Variants in CREB5 observed in about 807,000 individuals in gnomAD.
The protein encoded by CREB5 is cyclic AMP-responsive element-binding protein 5.
CREB5 carries 19 observed loss-of-function variants against 57.1 expected under a neutral mutation model. That is an observed-to-expected ratio of 0.33 (90% CI 0.23 to 0.49). The LOEUF (loss-of-function observed/expected upper bound fraction) is 0.49, where lower values mean the gene tolerates loss of function less well. CREB5 is among the 20% of genes least tolerant of loss of function. CREB5 has a pLI of 0.99. For missense variants in CREB5, 579 were observed against 671.6 expected (o/e 0.86, Z 1.52); for synonymous variants, 238 against 238.3 (o/e 1.00, Z 0.01).
chr7:28,395,622 A>G (rs952099949), intron 1 of CREB5, among the ~76,000 whole-genome samples: 30 of 152,254 alleles, frequency 2.0e-4, no homozygotes, highest in Admixed American at 7.2e-4. Flanking sequence ...TACATTGTGT[A>G]CTACATGCAG....
chr7:28,617,904 A>G (rs1476655632), intron 5 of CREB5, among the ~76,000 whole-genome samples: 1 of 152,236 alleles, frequency 6.6e-6, no homozygotes, highest in Non-Finnish European at 1.5e-5. Flanking sequence ...TAGTGGTGTC[A>G]TATTGGCACA....
intron 1 of CREB5, among the ~76,000 whole-genome samples, chr7:28,436,449 C>T (rs1014890364): frequency 6.6e-6 from 1 of 152,148 alleles, no homozygotes; most frequent in African/African-American, 2.4e-5. Context: ...GGCCCTCTTA[C>T]TACTTATCTG....
intron 1 of CREB5, 102 bp from the exon 2 acceptor site, chr7:28,488,070 TAGA>T (rs2128593983): frequency 1.0e-6 from 1 of 957,966 alleles, no homozygotes; most frequent in East Asian, 2.5e-5. Context: ...GGTATTGGCA[TAGA>T]AAGGGGGCTC....
chr7:28,784,379 G>A (rs957331927), intron 7 of CREB5, among the ~76,000 whole-genome samples: 10 of 151,946 alleles, frequency 6.6e-5, no homozygotes, highest in African/African-American at 2.4e-4. Context: ...CAATCAAAAT[G>A]TGTGATAAAT....
At chr7:28,754,227 C>A (rs1805156992) in intron 7 of CREB5, among the ~76,000 whole-genome samples, 1 of 152,168 alleles carries the variant, frequency 6.6e-6, no homozygotes, top group African/African-American at 2.4e-5. Flanking sequence ...TGCACCAGCT[C>A]TTTCTTAAAG....
At chr7:28,304,734 T>C (rs1254072210) in intron 1 of CREB5, among the ~76,000 whole-genome samples, 1 of 152,210 alleles carries the variant, frequency 6.6e-6, no homozygotes, top group Admixed American at 6.5e-5. Context: ...GAATATGCTA[T>C]AGCTATTAAA....
At chr7:28,702,206 A>G (rs1027096116) in intron 5 of CREB5, among the ~76,000 whole-genome samples, 6 of 152,180 alleles carry the variant, frequency 3.9e-5, no homozygotes, top group Admixed American at 3.9e-4. Context: ...TTTGGCATAT[A>G]TATTTGATGC....
At chr7:28,750,682 G>A (rs1300596764) in intron 7 of CREB5, among the ~76,000 whole-genome samples, 2 of 152,072 alleles carry the variant, frequency 1.3e-5, no homozygotes, top group African/African-American at 4.8e-5. Context: ...TAAAACATAT[G>A]AATTAAGCCT....
chr7:28,702,799 T>G (rs1016180385), intron 5 of CREB5, among the ~76,000 whole-genome samples: 1 of 152,190 alleles, frequency 6.6e-6, no homozygotes, highest in Admixed American at 6.5e-5. Context: ...GGCCTTTAAT[T>G]TGGGGGTCAA....
intron 5 of CREB5, among the ~76,000 whole-genome samples, chr7:28,602,677 G>A (rs1261747035): frequency 1.3e-5 from 2 of 152,192 alleles, no homozygotes; most frequent in Non-Finnish European, 2.9e-5. Flanking sequence ...TAGAGATGGA[G>A]AGCAGATTAG....
At chr7:28,754,208 G>A (rs1374888668) in intron 7 of CREB5, among the ~76,000 whole-genome samples, 1 of 152,158 alleles carries the variant, frequency 6.6e-6, no homozygotes, top group Non-Finnish European at 1.5e-5. Flanking sequence ...CAGGCTTTCT[G>A]CAGTGTGGTG....
chr7:28,613,986 T>C (rs1205424147), intron 5 of CREB5, among the ~76,000 whole-genome samples: 1 of 152,134 alleles, frequency 6.6e-6, no homozygotes, highest in Non-Finnish European at 1.5e-5. Context: ...TGACATAGGG[T>C]CTCACTCTGT....
At chr7:28,812,377 T>C (rs1213595289) in intron 9 of CREB5, among the ~76,000 whole-genome samples, 1 of 152,218 alleles carries the variant, frequency 6.6e-6, no homozygotes, top group Non-Finnish European at 1.5e-5. Flanking sequence ...TGACTTGGCA[T>C]ATGCGTATTT....
chr7:28,331,158 G>T (rs547663657), intron 1 of CREB5, among the ~76,000 whole-genome samples: 1 of 152,150 alleles, frequency 6.6e-6, no homozygotes, highest in Admixed American at 6.5e-5. Context: ...AGTTTTGAGG[G>T]AGTTCTAGTT....
intron 1 of CREB5, among the ~76,000 whole-genome samples, chr7:28,375,212 G>T (rs950022718): frequency 2.0e-5 from 3 of 152,118 alleles, no homozygotes; most frequent in Admixed American, 6.5e-5. Context: ...GTTCTGTTTG[G>T]TTATGGGAAA....
At chr7:28,396,696 T>G (rs1184175503) in intron 1 of CREB5, among the ~76,000 whole-genome samples, 1 of 152,210 alleles carries the variant, frequency 6.6e-6, no homozygotes, top group Non-Finnish European at 1.5e-5. Context: ...TCATTTTAAT[T>G]GCAATTTTTA....
chr7:28,656,726 G>T (rs1466379451), intron 5 of CREB5, among the ~76,000 whole-genome samples: 1 of 152,214 alleles, frequency 6.6e-6, no homozygotes, highest in Non-Finnish European at 1.5e-5. Flanking sequence ...TCTCTGCTCA[G>T]TCAGCACTTT....
chr7:28,542,177 C>T (rs979643216), intron 4 of CREB5, among the ~76,000 whole-genome samples: 1 of 152,096 alleles, frequency 6.6e-6, no homozygotes, highest in African/African-American at 2.4e-5. Flanking sequence ...GAGTAAGTTT[C>T]ATTATTATTT....
In CREB5 at chr7:28,824,030, T is replaced by C. The variant is rs1259877852; in HGVS notation, c.*4751T>C. The stretch of plus-strand genomic sequence containing the variant: ...CTCTTCTCTGTCCTCAAACTTGCCT[T>C]TGCTCTCCTTTACAATACCCCCCAC... On this transcript the variant is annotated 3_prime_UTR_variant, in exon 11 of 11. Transcript: ENST00000357727. 6 of 152,622 alleles carry C rather than the reference T, an allele frequency of 3.9e-5. No individual in the cohort carries two copies. The Admixed American group carries it at 3.9e-4, about 10-fold the overall frequency. 9.5% of individuals were successfully genotyped at this position (152,622 alleles called of 1,614,324 possible).
Sources: allele counts gnomAD v4.1 joint callset (sites outside exome capture counted in the v4.1 genomes callset), GRCh38; gene constraint gnomAD v4.1.1; transcripts MANE v1.5; gene names NCBI Gene and HGNC (gene_info 2026-07-23, HGNC 2026-07-21).